ST8SIA2: variants seen among roughly 807,000 people sequenced by gnomAD.
ST8SIA2 encodes the protein ST8 alpha-N-acetyl-neuraminide alpha-2,8-sialyltransferase 2, also known as alpha-2,8-sialyltransferase 8B.
In ST8SIA2, 22 loss-of-function variants were observed where a neutral mutation model predicts 37.6. The ratio of observed to expected loss-of-function variants is 0.58; its 90% CI spans 0.42 to 0.83. ST8SIA2 has a LOEUF of 0.83. ST8SIA2 is among the 40% of genes least tolerant of loss of function. ST8SIA2 has a pLI of 0.00. For synonymous variants in ST8SIA2, 205 were observed against 201.2 expected (o/e 1.02, Z -0.16); for missense variants, 382 against 484.7 (o/e 0.79, Z 1.99).
At chr15:92,436,868 T>C (rs985641104) in intron 3 of ST8SIA2, among the ~76,000 whole-genome samples, 2 of 152,210 alleles carry the variant, frequency 1.3e-5, no homozygotes, top group African/African-American at 4.8e-5. Context: ...CCGGAGGCTC[T>C]TGAACCTGGA....
At chr15:92,436,430 GA>G (rs1446721225) in intron 3 of ST8SIA2, among the ~76,000 whole-genome samples, 1 of 152,106 alleles carries the variant, frequency 6.6e-6, no homozygotes, top group African/African-American at 2.4e-5. Flanking sequence ...CCTTTACCCA[GA>G]GGGAAAAAGA....
Position 92,430,029 on chromosome 15 carries a change from G to A in ST8SIA2, c.99-20G>A, listed in dbSNP as rs2049703703. ...AAGATGAGCTGGGTTTATAAATAAT[G>A]CATTTCCTTTGTCTTGCAGGAATTC... On this transcript the variant is annotated intron_variant, in intron 1 of 5. Coordinates refer to ENST00000268164, the MANE Select transcript of ST8SIA2 (RefSeq NM_006011.4). 1.2e-6 allele frequency: 2 copies of A among 1,613,814 alleles called. No individual in the cohort carries two copies. Among genetic ancestry groups the A allele is most frequent in the Non-Finnish European group, 1.7e-6 (2 of 1,179,842 alleles).
At chr15:92,407,876 T>C (rs567642061) in intron 1 of ST8SIA2, among the ~76,000 whole-genome samples, 1 of 152,342 alleles carries the variant, frequency 6.6e-6, no homozygotes, top group African/African-American at 2.4e-5. Flanking sequence ...CATTTAAGTT[T>C]TTAAGTGAGT....
chr15:92,415,370 G>A (rs942687455), intron 1 of ST8SIA2, among the ~76,000 whole-genome samples: 8 of 151,896 alleles, frequency 5.3e-5, no homozygotes, highest in African/African-American at 7.3e-5. Flanking sequence ...TACCTGGCAC[G>A]GGAGGGGTTT....
intron 5 of ST8SIA2, among the ~76,000 whole-genome samples, chr15:92,449,649 C>T (rs1226187592): frequency 6.6e-6 from 1 of 152,220 alleles, no homozygotes; most frequent in Non-Finnish European, 1.5e-5. Flanking sequence ...TTCTCCACAT[C>T]CTCACCAACA....
chr15:92,460,887 G>A (rs572946317), intron 5 of ST8SIA2, among the ~76,000 whole-genome samples: 42 of 152,322 alleles, frequency 2.8e-4, no homozygotes, highest in Middle Eastern at 3.4e-3. Flanking sequence ...CGTGCCCTGT[G>A]TGGAGCCTGG....
chr15:92,432,255 G>T (rs2049721379), intron 2 of ST8SIA2, among the ~76,000 whole-genome samples: 1 of 152,164 alleles, frequency 6.6e-6, no homozygotes, highest in African/African-American at 2.4e-5. Flanking sequence ...GCCTACTGAG[G>T]TAGGCTTCAA....
rs34156050 is a variant in ST8SIA2, at chr15:92,464,072, C to CTTTTTTT, written c.843-11_843-5dup. The CTTTTTTT allele has an allele frequency of 1.7e-3, 2,104 of 1,271,268 alleles. 12 individuals carry two copies. Among genetic ancestry groups the CTTTTTTT allele is most frequent in the South Asian group, 6.4e-3 (407 of 63,374 alleles). The allele number at this position is 1,271,268 out of a possible 1,614,324, so 78.7% of individuals were successfully genotyped here. ...TGACTCACAGACCCATGTTTCTTTT[C>CTTTTTTT]TTTTTTTTTTTTTTTTTTTTTTTCC... On this transcript the variant is annotated intron_variant, in intron 5 of 5. Transcript: ENST00000268164.
intron 1 of ST8SIA2, among the ~76,000 whole-genome samples, chr15:92,408,907 T>C (rs796781363): frequency 3.9e-5 from 6 of 152,064 alleles, no homozygotes; most frequent in African/African-American, 1.4e-4. Flanking sequence ...GGTTTCACCA[T>C]GTTGGTCAGG....
At position 92,446,308 on chromosome 15, in the gene ST8SIA2, C is replaced by T. The variant is rs114764515; in HGVS notation, c.842+1379C>T. The stretch of plus-strand genomic sequence containing the variant: ...GCATAGTAGCCTTAGAGTGGTCAGA[C>T]GTGTACATGGTGGCCCAGGCTCTAG... On this transcript the variant is annotated intron_variant, in intron 5 of 5. Coordinates refer to ENST00000268164, the MANE Select transcript of ST8SIA2 (RefSeq NM_006011.4). Among the ~76,000 whole-genome samples the T allele has an allele frequency of 9.2e-3, 1,401 of 152,254 alleles. 29 individuals carry two copies. The highest frequency in any genetic ancestry group is 0.032 in the African/African-American group (1,312 of 41,552).
In ST8SIA2 at chr15:92,444,636, G is replaced by C; in HGVS notation, c.549G>C (p.Arg183Ser). The change falls in exon 5 of 6, where the codon AGG (arginine) becomes AGC (serine). Residue 183 changes from arginine (R) to serine (S), a missense_variant and splice_region_variant. Arg to Ser is a moderately radical substitution (Grantham distance 110). Transcript: ENST00000268164. The part of the protein sequence containing the change: ...QEIDAHSFVI[R>S]CNLAPVQEYA... ...ATCATGTTGCCTTTTTCTCCGGCAG[G>C]TGCAACCTGGCCCCAGTACAGGAGT... 6.2e-7 allele frequency: 1 copy of C among 1,614,238 alleles called. No individual in the cohort carries two copies.
At chr15:92,422,735 G>A (rs2049645319) in intron 1 of ST8SIA2, 1 of 152,690 alleles carries the variant, frequency 6.5e-6, no homozygotes, top group Non-Finnish European at 1.5e-5. Flanking sequence ...AAGAAGATGG[G>A]TAGCACCTTT....
At chr15:92,450,643 CATT>C (rs1342719448) in intron 5 of ST8SIA2, among the ~76,000 whole-genome samples, 6 of 152,170 alleles carry the variant, frequency 3.9e-5, no homozygotes, top group Non-Finnish European at 7.4e-5. Flanking sequence ...AGAACTCACT[CATT>C]ATCATGAGGA....
At chr15:92,423,190 G>T (rs1057160060) in intron 1 of ST8SIA2, among the ~76,000 whole-genome samples, 2 of 152,210 alleles carry the variant, frequency 1.3e-5, no homozygotes, top group Admixed American at 1.3e-4. Flanking sequence ...CTCTTTAGAT[G>T]ATGCAAAAGT....
At chr15:92,461,040 G>A (rs756834248) in intron 5 of ST8SIA2, among the ~76,000 whole-genome samples, 15 of 152,184 alleles carry the variant, frequency 9.9e-5, no homozygotes, top group Admixed American at 8.5e-4. Flanking sequence ...TGGAGAGAGA[G>A]AAAGGGGCAT....
At chr15:92,463,496 G>A (rs1167044832) in intron 5 of ST8SIA2, among the ~76,000 whole-genome samples, 1 of 152,176 alleles carries the variant, frequency 6.6e-6, no homozygotes, top group African/African-American at 2.4e-5. Context: ...ATGGAATCAG[G>A]AATGCAGATC....
At chr15:92,429,172 A>T (rs2049696928) in intron 1 of ST8SIA2, among the ~76,000 whole-genome samples, 1 of 152,172 alleles carries the variant, frequency 6.6e-6, no homozygotes, top group African/African-American at 2.4e-5. Flanking sequence ...AAACTGAGAA[A>T]AGCACCCAGT....
At chr15:92,442,515 C>A (rs753194879) in intron 4 of ST8SIA2, among the ~76,000 whole-genome samples, 5 of 152,200 alleles carry the variant, frequency 3.3e-5, no homozygotes, top group Non-Finnish European at 7.3e-5. Flanking sequence ...TGATCCCAAT[C>A]CATCTGAACT....
At chr15:92,450,983 T>C (rs2049877685) in intron 5 of ST8SIA2, among the ~76,000 whole-genome samples, 1 of 152,228 alleles carries the variant, frequency 6.6e-6, no homozygotes, top group Non-Finnish European at 1.5e-5. Flanking sequence ...ATTTCACATC[T>C]GGACATAAGT....
Sources: gnomAD v4.1 joint callset for allele counts (sites outside exome capture counted in the v4.1 genomes callset) on GRCh38, gnomAD v4.1.1 for gene constraint, MANE v1.5 for transcripts, NCBI Gene and HGNC (gene_info 2026-07-23, HGNC 2026-07-21) for gene names.